RAP1GDS1: variants seen among roughly 807,000 people sequenced by gnomAD.
RAP1GDS1 encodes Rap1 GTPase-GDP dissociation stimulator 1, also known as RAP1, GTP-GDP dissociation stimulator 1.
RAP1GDS1 carries 35 observed loss-of-function variants against 71.1 expected under a neutral mutation model. That is an observed-to-expected ratio of 0.49 (90% CI 0.38 to 0.65). The LOEUF (loss-of-function observed/expected upper bound fraction) is 0.65, where lower values mean the gene tolerates loss of function less well. Ranked by LOEUF, RAP1GDS1 falls within the 30% of genes least tolerant of loss-of-function variation. RAP1GDS1 has a pLI of 0.00. For synonymous variants in RAP1GDS1, 229 were observed against 243.1 expected (o/e 0.94, Z 0.54); for missense variants, 663 against 706.1 (o/e 0.94, Z 0.69).
intron 2 of RAP1GDS1, among the ~76,000 whole-genome samples, chr4:98,296,129 A>G (rs1003950345): frequency 2.6e-5 from 4 of 152,062 alleles, no homozygotes; most frequent in Non-Finnish European, 5.9e-5. Context: ...TAACAACTGT[A>G]CCATAATTGC....
intron 5 of RAP1GDS1, among the ~76,000 whole-genome samples, chr4:98,390,525 AC>A (rs1578699163): frequency 6.6e-6 from 1 of 152,064 alleles, no homozygotes; most frequent in East Asian, 1.9e-4. Flanking sequence ...GGCTCCCACA[AC>A]CAAACCAGAT....
At chr4:98,312,777 A>AT (rs1331273497) in intron 2 of RAP1GDS1, among the ~76,000 whole-genome samples, 4 of 151,708 alleles carry the variant, frequency 2.6e-5, no homozygotes, top group Non-Finnish European at 5.9e-5. Flanking sequence ...GGGGAGAGAG[A>AT]TTTATTTAAG....
At chr4:98,412,076 GA>G (rs1747150907) in intron 7 of RAP1GDS1, among the ~76,000 whole-genome samples, 1 of 152,156 alleles carries the variant, frequency 6.6e-6, no homozygotes, top group South Asian at 2.1e-4. Context: ...AAAATTGCCT[GA>G]AAGTCTTAAG....
intron 5 of RAP1GDS1, among the ~76,000 whole-genome samples, chr4:98,391,492 G>A (rs758841326): frequency 3.0e-4 from 46 of 151,912 alleles, no homozygotes; most frequent in Non-Finnish European, 6.2e-4. Context: ...TTTGTATTAT[G>A]AAAAGTGTTT....
chr4:98,368,975 G>A (rs1004183612), intron 4 of RAP1GDS1, among the ~76,000 whole-genome samples: 1 of 152,282 alleles, frequency 6.6e-6, no homozygotes, highest in East Asian at 1.9e-4. Context: ...TAAAGAAAAA[G>A]AAGTTTAATG....
chr4:98,431,194 C>T (rs931185790), intron 12 of RAP1GDS1, among the ~76,000 whole-genome samples: 3 of 152,184 alleles, frequency 2.0e-5, no homozygotes, highest in African/African-American at 4.8e-5. Context: ...GTCATTTGCT[C>T]ATTCATCCAA....
At chr4:98,308,295 CACTATATA>C (rs201989617) in intron 2 of RAP1GDS1, among the ~76,000 whole-genome samples, 1,335 of 72,064 alleles carry the variant, frequency 0.019, 32 homozygotes, top group African/African-American at 0.074. Context: ...TACACACACA[CACTATATA>C]TATATATATA....
At position 98,391,939 on chromosome 4, in the gene RAP1GDS1, T is replaced by G; in HGVS notation, c.509-13T>G. 7 of 1,564,754 alleles carry G rather than the reference T, an allele frequency of 4.5e-6. No homozygotes were observed. The highest frequency in any genetic ancestry group is 6.0e-6 in the Non-Finnish European group (7 of 1,161,180). On this transcript the variant is annotated splice_polypyrimidine_tract_variant and intron_variant, in intron 5 of 14. Coordinates refer to ENST00000408927, the MANE Select transcript of RAP1GDS1 (RefSeq NM_001100427.2). ...CTTTCTTTTCTGTTGTTGTTTTTTTTTTGTTTTTACAGATTCGCTTCAAGC... is the reference window on the plus strand; with the variant it reads ...CTTTCTTTTCTGTTGTTGTTTTTTTGTTGTTTTTACAGATTCGCTTCAAGC...
At chr4:98,368,992 C>T (rs1026388964) in intron 4 of RAP1GDS1, among the ~76,000 whole-genome samples, 2 of 152,174 alleles carry the variant, frequency 1.3e-5, no homozygotes, top group Non-Finnish European at 2.9e-5. Context: ...AATGGACTCA[C>T]AGTTTCACAT....
intron 2 of RAP1GDS1, among the ~76,000 whole-genome samples, chr4:98,333,270 A>G (rs1734249675): frequency 6.6e-6 from 1 of 152,048 alleles, no homozygotes; most frequent in Admixed American, 6.6e-5. Context: ...TTCATCGAAA[A>G]CACATTTTTG....
chr4:98,289,592 A>G (rs1354569165), intron 1 of RAP1GDS1, among the ~76,000 whole-genome samples: 2 of 151,402 alleles, frequency 1.3e-5, no homozygotes, highest in African/African-American at 4.8e-5. Flanking sequence ...AAAGTAGGAA[A>G]CTGAAAATAC....
chr4:98,296,989 A>G, intron 2 of RAP1GDS1: 1 of 245,840 alleles, frequency 4.1e-6, no homozygotes, highest in Non-Finnish European at 8.1e-6. Context: ...CTCCCTGAAG[A>G]AGTAAGCTGT....
chr4:98,379,098 A>T lies in RAP1GDS1; in HGVS notation c.443A>T (p.Asp148Val). 1 of 1,611,092 alleles carries T rather than the reference A, an allele frequency of 6.2e-7. No homozygotes were observed. The highest frequency in any genetic ancestry group is 8.5e-7 in the Non-Finnish European group (1 of 1,178,360). The change falls in exon 5 of 15, where the codon GAT (aspartate) becomes GTT (valine). Residue 148 changes from aspartate (D) to valine (V), a missense_variant. Physicochemically the swap from Asp to Val is radical, Grantham distance 152 (BLOSUM62 -3). Transcript: ENST00000408927. ...TTAAGGTCACTGTGCAGTATAACAG[A>T]TCCCGCCAATGAGAAGCTCTTGACT... ...DHLRSLCSIT[D>V]PANEKLLTVF...
chr4:98,323,997 A>C (rs1732468875), intron 2 of RAP1GDS1, among the ~76,000 whole-genome samples: 1 of 149,856 alleles, frequency 6.7e-6, no homozygotes, highest in South Asian at 2.2e-4. Flanking sequence ...CTGTTTGCAG[A>C]CGACATGATT....
intron 2 of RAP1GDS1, among the ~76,000 whole-genome samples, chr4:98,295,696 A>G (rs1457668291): frequency 6.6e-6 from 1 of 152,118 alleles, no homozygotes; most frequent in South Asian, 2.1e-4. Context: ...TGCTGAGTTC[A>G]TGTAATGTGA....
intron 2 of RAP1GDS1, among the ~76,000 whole-genome samples, chr4:98,326,014 G>T (rs998514010): frequency 6.6e-6 from 1 of 151,858 alleles, no homozygotes; most frequent in African/African-American, 2.4e-5. Context: ...TACTCCTGAT[G>T]TCTTAAACAA....
Position 98,271,983 on chromosome 4 carries a change from A to G in RAP1GDS1, c.4+10414A>G, listed in dbSNP as rs551476232. ...TTTAAAAAATACTGGGCCCACCTTC[A>G]GAAGTTCTGGTTCAATAGATGTGGG... On this transcript the variant is annotated intron_variant, in intron 1 of 14. Coordinates refer to ENST00000408927, the MANE Select transcript of RAP1GDS1 (RefSeq NM_001100427.2). 2.6e-5 allele frequency among the ~76,000 whole-genome samples: 4 copies of G among 152,286 alleles called. No homozygotes were observed. The South Asian group carries it at 8.3e-4, about 32-fold the overall frequency.
At chr4:98,264,387 ACT>A (rs1220579337) in intron 1 of RAP1GDS1, among the ~76,000 whole-genome samples, 10 of 151,864 alleles carry the variant, frequency 6.6e-5, no homozygotes, top group South Asian at 2.1e-4. Context: ...CAAGAGGGAA[ACT>A]CTGTCTCAAA....
chr4:98,300,473 C>T (rs938292293), intron 2 of RAP1GDS1, among the ~76,000 whole-genome samples: 5 of 151,314 alleles, frequency 3.3e-5, no homozygotes, highest in East Asian at 3.9e-4. Context: ...GATCTTGGCT[C>T]ACTGCAACCT....
Sources: allele counts gnomAD v4.1 joint callset (sites outside exome capture counted in the v4.1 genomes callset), GRCh38; gene constraint gnomAD v4.1.1; transcripts MANE v1.5; gene names NCBI Gene and HGNC (gene_info 2026-07-23, HGNC 2026-07-21).